PPP3CA: variants seen among roughly 807,000 people sequenced by gnomAD.
PPP3CA encodes the protein protein phosphatase 3 catalytic subunit alpha.
A neutral mutation model predicts 66.5 loss-of-function variants in PPP3CA; 14 were observed. The ratio of observed to expected loss-of-function variants is 0.21; its 90% confidence interval spans 0.14 to 0.33. The LOEUF (loss-of-function observed/expected upper bound fraction) is 0.33, where lower values mean the gene tolerates loss of function less well. Ranked by LOEUF, PPP3CA falls within the 10% of genes least tolerant of loss-of-function variation. The probability of loss-of-function intolerance (pLI) is 1.00; values close to 1 mark genes in which losing one functional copy is unlikely to be tolerated. For synonymous variants in PPP3CA, 232 were observed against 226.2 expected (o/e 1.03, Z -0.23); for missense variants, 317 against 639.5 (o/e 0.50, Z 5.44).
chr4:101,063,095 T>A, intron 9 of PPP3CA, 137 bp downstream of exon 9: 1 of 1,138,760 alleles, frequency 8.8e-7, no homozygotes, highest in Non-Finnish European at 1.2e-6. Context: ...CACTGCCACT[T>A]CCAAATCACA....
At position 101,333,270 on chromosome 4, in the gene PPP3CA, G is replaced by GTTTTTTTT. The variant is rs70961788; in HGVS notation, c.58+13461_58+13468dup. 1.1e-3 allele frequency among the ~76,000 whole-genome samples: 52 copies of GTTTTTTTT among 47,264 alleles called. 6 individuals are homozygous for GTTTTTTTT. Among genetic ancestry groups the GTTTTTTTT allele is most frequent in the Non-Finnish European group, 2.1e-3 (42 of 20,152 alleles). 31.0% of individuals were successfully genotyped at this position (47,264 alleles called of 152,430 possible). A position where few individuals can be genotyped will look rare whatever the true frequency, so the allele number is the denominator to read the frequency against. ...CTACAGGCATGCACTACCATGCCCA[G>GTTTTTTTT]TTTTTTTTTTTTTTTTTTTTTTTTT... On this transcript the variant is annotated intron_variant, in intron 1 of 13. Transcript: ENST00000394854.
At chr4:101,122,388 A>ATGTG (rs143010105) in intron 2 of PPP3CA, among the ~76,000 whole-genome samples, 60 of 151,908 alleles carry the variant, frequency 3.9e-4, no homozygotes, top group African/African-American at 1.3e-3. Context: ...AGCTCTTTGT[A>ATGTG]TGTGTGTGTG....
intron 2 of PPP3CA, among the ~76,000 whole-genome samples, chr4:101,192,594 A>C (rs1407247178): frequency 6.6e-6 from 1 of 152,182 alleles, no homozygotes; most frequent in Non-Finnish European, 1.5e-5. Flanking sequence ...GCCACTTTAC[A>C]AAAAATACCA....
intron 1 of PPP3CA, among the ~76,000 whole-genome samples, chr4:101,343,058 C>T (rs1729867368): frequency 6.6e-6 from 1 of 152,106 alleles, no homozygotes; most frequent in African/African-American, 2.4e-5. Flanking sequence ...CAACCTTACA[C>T]AAAGCACAAC....
intron 1 of PPP3CA, among the ~76,000 whole-genome samples, chr4:101,284,443 C>A (rs548141123): frequency 6.6e-6 from 1 of 152,228 alleles, no homozygotes; most frequent in African/African-American, 2.4e-5. Flanking sequence ...TTAACACCCA[C>A]AAAGCTTGTA....
Position 101,290,682 on chromosome 4 carries a change from T to C in PPP3CA, c.58+56057A>G, listed in dbSNP as rs532045019. ...CCAGTACAAGAGTCAAATAGTATGT[T>C]AGAAGGCAGTTAATGCTATTGAGAA... On this transcript the variant is annotated intron_variant, in intron 1 of 13. Transcript: ENST00000394854. 5.9e-5 allele frequency among the ~76,000 whole-genome samples: 9 copies of C among 152,134 alleles called. 1 individual carries two copies. The South Asian group carries it at 1.0e-3, about 18-fold the overall frequency.
At chr4:101,184,987 G>C (rs1372127124) in intron 2 of PPP3CA, among the ~76,000 whole-genome samples, 2 of 152,060 alleles carry the variant, frequency 1.3e-5, no homozygotes, top group Non-Finnish European at 2.9e-5. Flanking sequence ...AAAATTGCAA[G>C]CTATATGCCT....
intron 1 of PPP3CA, among the ~76,000 whole-genome samples, chr4:101,259,064 A>C (rs1010096118): frequency 6.6e-6 from 1 of 152,218 alleles, no homozygotes; most frequent in Middle Eastern, 3.4e-3. Context: ...GGTGTTCTTC[A>C]GTTTATATTT....
At chr4:101,270,924 C>T (rs1727318304) in intron 1 of PPP3CA, among the ~76,000 whole-genome samples, 1 of 152,034 alleles carries the variant, frequency 6.6e-6, no homozygotes. Context: ...AAAATCAATT[C>T]TAATAATTTT....
intron 1 of PPP3CA, among the ~76,000 whole-genome samples, chr4:101,219,265 T>C (rs1009012579): frequency 7.2e-5 from 11 of 152,034 alleles, no homozygotes; most frequent in African/African-American, 2.7e-4. Context: ...ACAGATTGCA[T>C]GCTTCACAAT....
chr4:101,136,743 TTG>T (rs1722636078), intron 2 of PPP3CA, among the ~76,000 whole-genome samples: 1 of 151,962 alleles, frequency 6.6e-6, no homozygotes, highest in African/African-American at 2.4e-5. Flanking sequence ...GGGTTTTGTT[TTG>T]TGTGAAAATT....
intron 1 of PPP3CA, among the ~76,000 whole-genome samples, chr4:101,301,277 AAT>A (rs1728367523): frequency 6.6e-6 from 1 of 151,734 alleles, no homozygotes; most frequent in South Asian, 2.1e-4. Context: ...CAATTGATTT[AAT>A]GTCAAATAAC....
At chr4:101,316,250 G>C (rs1728880665) in intron 1 of PPP3CA, among the ~76,000 whole-genome samples, 1 of 150,722 alleles carries the variant, frequency 6.6e-6, no homozygotes, top group East Asian at 1.9e-4. Context: ...AGATGAACTT[G>C]CCACAGGAAT....
In PPP3CA at chr4:101,209,438, C is replaced by A. The variant is rs977561630; in HGVS notation, c.59-13322G>T. ...AACAAACAATAATCAGTCACCCAACCTCTTCTGAACTCCCTTACCACTAGA... is the reference window on the plus strand; with the variant it reads ...AACAAACAATAATCAGTCACCCAACATCTTCTGAACTCCCTTACCACTAGA... On this transcript the variant is annotated intron_variant, in intron 1 of 13. Transcript: ENST00000394854. 2.6e-5 allele frequency among the ~76,000 whole-genome samples: 4 copies of A among 152,164 alleles called. No homozygotes were observed. The East Asian group carries it at 7.7e-4, about 29-fold the overall frequency.
chr4:101,310,623 T>C (rs1728692386), intron 1 of PPP3CA, among the ~76,000 whole-genome samples: 2 of 152,216 alleles, frequency 1.3e-5, no homozygotes, highest in South Asian at 2.1e-4. Context: ...CAATGAGCCA[T>C]GATCACGCCA....
intron 1 of PPP3CA, among the ~76,000 whole-genome samples, chr4:101,220,614 T>C (rs1442625174): frequency 1.3e-5 from 2 of 151,770 alleles, no homozygotes; most frequent in African/African-American, 4.8e-5. Context: ...TTGTTTGTTT[T>C]TCTTAATTAT....
intron 1 of PPP3CA, among the ~76,000 whole-genome samples, chr4:101,313,059 C>A (rs1353389771): frequency 6.6e-6 from 1 of 152,186 alleles, no homozygotes; most frequent in African/African-American, 2.4e-5. Flanking sequence ...TTATACCTCT[C>A]AAACACTTCA....
intron 1 of PPP3CA, among the ~76,000 whole-genome samples, chr4:101,281,233 T>A (rs993499446): frequency 4.6e-5 from 7 of 152,196 alleles, no homozygotes; most frequent in Admixed American, 6.5e-5. Flanking sequence ...GAAGAGCAAT[T>A]TGAGACAGTG....
At chr4:101,236,943 A>C (rs555271218) in intron 1 of PPP3CA, among the ~76,000 whole-genome samples, 1 of 151,494 alleles carries the variant, frequency 6.6e-6, no homozygotes, top group African/African-American at 2.4e-5. Context: ...AAATGGCGAT[A>C]ATAGAGCATT....
Sources: allele counts gnomAD v4.1 joint callset (sites outside exome capture counted in the v4.1 genomes callset), GRCh38; gene constraint gnomAD v4.1.1; transcripts MANE v1.5; gene names NCBI Gene and HGNC (gene_info 2026-07-23, HGNC 2026-07-21).